Variants in COMMD1 observed in about 807,000 individuals in gnomAD.
The protein encoded by COMMD1 is copper metabolism domain containing 1.
A neutral mutation model predicts 17.2 loss-of-function variants in COMMD1; 10 were observed. The observed-to-expected ratio is 0.58, with a 90% CI of 0.36 to 0.99. The LOEUF is 0.99. Among genes scored for constraint, COMMD1 ranks in the 50% least tolerant of loss-of-function variants. The pLI, the probability that COMMD1 is intolerant of heterozygous loss-of-function variation, is 0.01. For missense variants in COMMD1, 270 were observed against 231.8 expected, an observed-to-expected ratio of 1.17 and a Z score of -1.07; for synonymous variants, 97 against 91.6, an observed-to-expected ratio of 1.06 and a Z score of -0.34.
intron 1 of COMMD1, among the ~76,000 whole-genome samples, chr2:61,932,316 G>C (rs1395896542): frequency 6.6e-6 from 1 of 152,214 alleles, no homozygotes; most frequent in East Asian, 1.9e-4. Flanking sequence ...TCAGTTGTCT[G>C]AATTGCCAAG....
chr2:62,012,886 G>C (rs1669325956), intron 2 of COMMD1, among the ~76,000 whole-genome samples: 1 of 152,148 alleles, frequency 6.6e-6, no homozygotes, highest in African/African-American at 2.4e-5. Flanking sequence ...TAATTTGAGT[G>C]AAGGAAGATT....
chr2:62,004,280 T>G (rs1288901359), intron 2 of COMMD1, among the ~76,000 whole-genome samples: 1 of 152,190 alleles, frequency 6.6e-6, no homozygotes, highest in African/African-American at 2.4e-5. Flanking sequence ...ATGATTGATA[T>G]TGCACTTTAG....
chr2:61,951,027 A>G lies in COMMD1; in HGVS notation c.180+45169A>G, dbSNP rs11686801. Among the ~76,000 whole-genome samples, 1,503 of 152,306 alleles carry G rather than the reference A, an allele frequency of 9.9e-3. 9 individuals are homozygous for G. The highest frequency in any genetic ancestry group is 0.02 in the South Asian group (96 of 4,828). On this transcript the variant is annotated intron_variant, in intron 1 of 2. Coordinates refer to ENST00000311832, the MANE Select transcript of COMMD1 (RefSeq NM_152516.4). ...GTTTAGGGCTTCAATTGGAAGGTGT[A>G]GATGGTTCTGTTGGCCTTTTTGCTG...
rs1188808132 is a variant in COMMD1 at position 61,985,058 on chromosome 2, T to A, written c.181-15643T>A. Among the ~76,000 whole-genome samples, 412 of 141,820 alleles carry A rather than the reference T, an allele frequency of 2.9e-3. 2 individuals are homozygous for A. The highest frequency in any genetic ancestry group is 4.2e-3 in the Non-Finnish European group (269 of 63,620). 93.0% of individuals were successfully genotyped at this position (141,820 alleles called of 152,430 possible). A position where few individuals can be genotyped will look rare whatever the true frequency, so the allele number is the denominator to read the frequency against. ...ATGTGTGTCTTTTTTTTTTTTTTTT[T>A]AATTTTTTTTGAGACGGAGTCTCGC... On this transcript the variant is annotated intron_variant, in intron 1 of 2. Transcript: ENST00000311832.
intron 1 of COMMD1, among the ~76,000 whole-genome samples, chr2:61,925,689 T>A (rs1670312711): frequency 6.6e-6 from 1 of 152,184 alleles, no homozygotes; most frequent in Admixed American, 6.5e-5. Context: ...TTGGGGCAGT[T>A]TGTCCTTAAC....
chr2:61,985,692 TTATTTTAAACTGA>T (rs1236846706), intron 1 of COMMD1, among the ~76,000 whole-genome samples: 1 of 152,186 alleles, frequency 6.6e-6, no homozygotes, highest in Non-Finnish European at 1.5e-5. Flanking sequence ...ATATATCCCA[TTATTTTAAACTGA>T]TGACAACTTA....
intron 2 of COMMD1, chr2:62,084,844 C>A (rs1445145867): frequency 5.9e-5 from 9 of 152,022 alleles, no homozygotes; most frequent in African/African-American, 9.7e-5. Flanking sequence ...TTTTGGTATC[C>A]TTTTCCAAGC....
Position 61,992,123 on chromosome 2 carries a change from T to C in COMMD1, c.181-8578T>C, listed in dbSNP as rs151080992. The stretch of plus-strand genomic sequence containing the variant: ...TGAATTAATCAGATGCTTGTACCTA[T>C]ACATGGTATTACTGTGAATGCACAG... On this transcript the variant is annotated intron_variant, in intron 1 of 2. Coordinates refer to ENST00000311832, the MANE Select transcript of COMMD1 (RefSeq NM_152516.4). 9.4e-3 allele frequency among the ~76,000 whole-genome samples: 1,438 copies of C among 152,320 alleles called. 18 individuals are homozygous for C. The highest frequency in any genetic ancestry group is 0.033 in the African/African-American group (1,357 of 41,574).
intron 2 of COMMD1, among the ~76,000 whole-genome samples, chr2:62,086,107 A>C (rs541543303): frequency 6.6e-6 from 1 of 152,002 alleles, no homozygotes; most frequent in South Asian, 2.1e-4. Context: ...GCTTGAGCCC[A>C]GGAGGTGGAG....
At position 62,135,920 on chromosome 2, in the gene COMMD1, A is replaced by T; in HGVS notation, c.552A>T (p.Thr184=). 6.3e-7 allele frequency: 1 copy of T among 1,589,952 alleles called. No individual in the cohort carries two copies. The highest frequency in any genetic ancestry group is 8.6e-7 in the Non-Finnish European group (1 of 1,157,936). The change falls in exon 3 of 3, where the codon ACA becomes ACT. Residue 184 remains threonine (T), a synonymous_variant. Coordinates refer to ENST00000311832, the MANE Select transcript of COMMD1 (RefSeq NM_152516.4). ...CAGAGGTAGAAGAAAGTATCAGCAC[A>T]CTGATCAGCCAGCCTAACTGAAGAT... ...TLSEVEESIS[T]LISQPN
In COMMD1 at chr2:62,013,068, G is replaced by T. The variant is rs1336493298; in HGVS notation, c.462+12086G>T. 2.0e-5 allele frequency among the ~76,000 whole-genome samples: 3 copies of T among 152,112 alleles called. No individual in the cohort carries two copies. In the East Asian group the frequency reaches 5.8e-4, roughly 29 times the overall value. On this transcript the variant is annotated intron_variant, in intron 2 of 2. Coordinates refer to ENST00000311832, the MANE Select transcript of COMMD1 (RefSeq NM_152516.4). ...GGTTTTAAACAAGGAAAGATGTGAT[G>T]TGACTTATATTCTAATAGGATTGCC... is the stretch of plus-strand genomic sequence containing the variant.
At chr2:61,915,201 T>C (rs560724060) in intron 1 of COMMD1, among the ~76,000 whole-genome samples, 181 of 152,188 alleles carry the variant, frequency 1.2e-3, no homozygotes, top group Non-Finnish European at 2.0e-3. Context: ...AGATGGGGTT[T>C]CGTCATGTTG....
At chr2:61,969,026 A>G (rs749643939) in intron 1 of COMMD1, 11 of 441,352 alleles carry the variant, frequency 2.5e-5, no homozygotes, top group South Asian at 1.7e-4. Flanking sequence ...AGGCACAATC[A>G]TGGCACACCG....
chr2:62,094,538 C>A (rs779822648), intron 2 of COMMD1, among the ~76,000 whole-genome samples: 1 of 152,026 alleles, frequency 6.6e-6, no homozygotes, highest in Non-Finnish European at 1.5e-5. Flanking sequence ...GGGACATTTA[C>A]ATTTAAACAA....
At chr2:62,075,763 T>C (rs1671322445) in intron 2 of COMMD1, among the ~76,000 whole-genome samples, 1 of 152,228 alleles carries the variant, frequency 6.6e-6, no homozygotes, top group African/African-American at 2.4e-5. Flanking sequence ...GTTTTAAGTG[T>C]GTGGCACAAC....
At chr2:62,062,546 T>A (rs1009153855) in intron 2 of COMMD1, among the ~76,000 whole-genome samples, 23 of 152,236 alleles carry the variant, frequency 1.5e-4, no homozygotes, top group Non-Finnish European at 2.4e-4. Context: ...GAGGATTTTT[T>A]AAAATGCATA....
Position 62,084,704 on chromosome 2 carries a change from G to A in COMMD1, c.463-51127G>A, listed in dbSNP as rs374714681. The A allele has an allele frequency of 5.3e-5, 8 of 152,100 alleles. No homozygotes were observed. In the East Asian group the frequency reaches 1.5e-3, roughly 29 times the overall value. 9.4% of individuals were successfully genotyped at this position (152,100 alleles called of 1,614,324 possible). On this transcript the variant is annotated intron_variant, in intron 2 of 2. Coordinates refer to ENST00000311832, the MANE Select transcript of COMMD1 (RefSeq NM_152516.4). ...GAATGGTTTTTTGTTCTCTACATGG[G>A]GACTATTATTTTTATAACATGTCTA...
chr2:61,962,723 A>C (rs1274570295), intron 1 of COMMD1, among the ~76,000 whole-genome samples: 3 of 152,058 alleles, frequency 2.0e-5, no homozygotes, highest in African/African-American at 7.2e-5. Flanking sequence ...GTATATTGTT[A>C]TTGCACCTGT....
At chr2:61,899,966 C>T (rs952239916) in intron 1 of COMMD1, among the ~76,000 whole-genome samples, 1 of 152,212 alleles carries the variant, frequency 6.6e-6, no homozygotes, top group Non-Finnish European at 1.5e-5. Context: ...GCCACCGCGC[C>T]CAGCCTGTAT....
Sources: gnomAD v4.1 joint callset for allele counts (sites outside exome capture counted in the v4.1 genomes callset) on GRCh38, gnomAD v4.1.1 for gene constraint, MANE v1.5 for transcripts, NCBI Gene and HGNC (gene_info 2026-07-23, HGNC 2026-07-21) for gene names.